The following CSMD1 variants were observed in gnomAD, a reference collection of about 807,000 sequenced individuals.
CSMD1 encodes CUB and sushi domain-containing protein 1.
Under a neutral mutation model 417.5 loss-of-function variants are expected in CSMD1, and 213 were observed. The ratio of observed to expected loss-of-function variants is 0.51; its 90% CI spans 0.46 to 0.57. The LOEUF is 0.57. Among genes scored for constraint, CSMD1 ranks in the 20% least tolerant of loss-of-function variants. The probability of loss-of-function intolerance (pLI) is 0.00; values close to 1 mark genes in which losing one functional copy is unlikely to be tolerated. For synonymous variants in CSMD1, 2,862 were observed against 1,736.8 expected (o/e 1.65, Z -16.11); for missense variants, 6,923 against 4,529.7 (o/e 1.53, Z -15.17).
intron 11 of CSMD1, among the ~76,000 whole-genome samples, chr8:3,475,079 T>C (rs1334326827): frequency 3.3e-5 from 5 of 152,178 alleles, no homozygotes; most frequent in African/African-American, 1.2e-4. Flanking sequence ...CCCAGGGCTT[T>C]GCAAACCCTG....
At chr8:3,408,579 A>G (rs1812489795) in intron 13 of CSMD1, among the ~76,000 whole-genome samples, 1 of 151,472 alleles carries the variant, frequency 6.6e-6, no homozygotes, top group African/African-American at 2.4e-5. Flanking sequence ...GTATATTCCT[A>G]TATCATAGGA....
At chr8:3,190,635 A>G (rs571479343) in intron 33 of CSMD1, among the ~76,000 whole-genome samples, 61 of 152,198 alleles carry the variant, frequency 4.0e-4, no homozygotes, top group Non-Finnish European at 5.6e-4. Context: ...CCACTCGTGT[A>G]TACTTATCTA....
At chr8:4,697,532 C>T (rs1002976206) in intron 1 of CSMD1, among the ~76,000 whole-genome samples, 12 of 152,186 alleles carry the variant, frequency 7.9e-5, no homozygotes, top group African/African-American at 2.6e-4. Flanking sequence ...GTATTGTTTA[C>T]TCAATTGGGG....
intron 3 of CSMD1, among the ~76,000 whole-genome samples, chr8:4,403,612 C>A (rs565591267): frequency 6.6e-6 from 1 of 152,158 alleles, no homozygotes; most frequent in Non-Finnish European, 1.5e-5. Context: ...AGAACTCCCC[C>A]TTTTCACCAT....
chr8:4,445,738 A>G (rs1446236414), intron 2 of CSMD1, among the ~76,000 whole-genome samples: 1 of 150,110 alleles, frequency 6.7e-6, no homozygotes, highest in Non-Finnish European at 1.5e-5. Flanking sequence ...TGCATTAAGT[A>G]TCCAATAATA....
At chr8:3,514,046 C>A (rs150419397) in intron 10 of CSMD1, among the ~76,000 whole-genome samples, 1 of 152,128 alleles carries the variant, frequency 6.6e-6, no homozygotes, top group Non-Finnish European at 1.5e-5. Context: ...GCACACAGTT[C>A]TCTTAGGAAC....
chr8:3,405,920 T>C (rs1812317255), intron 15 of CSMD1, 107 bp downstream of exon 15: 3 of 1,033,290 alleles, frequency 2.9e-6, no homozygotes, highest in African/African-American at 1.6e-5. Flanking sequence ...TGTGGTATTT[T>C]GTTAGGGCAG....
At chr8:4,504,698 G>A (rs1336855598) in intron 2 of CSMD1, among the ~76,000 whole-genome samples, 2 of 151,910 alleles carry the variant, frequency 1.3e-5, no homozygotes, top group African/African-American at 4.8e-5. Context: ...TGTTCTCATT[G>A]TTCAACTCCC....
At chr8:4,805,150 T>A (rs921467471) in intron 1 of CSMD1, among the ~76,000 whole-genome samples, 1 of 152,170 alleles carries the variant, frequency 6.6e-6, no homozygotes, top group Admixed American at 6.5e-5. Context: ...GGACGATGTT[T>A]TTTCCCCCTG....
chr8:4,070,549 G>A (rs897515248), intron 3 of CSMD1, among the ~76,000 whole-genome samples: 1 of 151,990 alleles, frequency 6.6e-6, no homozygotes, highest in Admixed American at 6.6e-5. Flanking sequence ...AGTAGAGACG[G>A]GGTTTCACCG....
intron 3 of CSMD1, among the ~76,000 whole-genome samples, chr8:4,377,280 G>A (rs893864189): frequency 6.6e-6 from 1 of 152,166 alleles, no homozygotes; most frequent in Non-Finnish European, 1.5e-5. Flanking sequence ...GGGACAGAGA[G>A]AGCAAAAGGG....
At chr8:3,741,982 T>TTG (rs1554528215) in intron 6 of CSMD1, among the ~76,000 whole-genome samples, 4 of 151,140 alleles carry the variant, frequency 2.6e-5, no homozygotes, top group Non-Finnish European at 5.9e-5. Flanking sequence ...AATCTTGGTT[T>TTG]TTTTTTTTTT....
chr8:3,614,970 A>C (rs1438476781), intron 8 of CSMD1, among the ~76,000 whole-genome samples: 5 of 152,212 alleles, frequency 3.3e-5, no homozygotes, highest in African/African-American at 4.8e-5. Flanking sequence ...ATGACTGTTG[A>C]CACAAGGAAG....
chr8:4,749,968 T>C (rs2117043452), intron 1 of CSMD1, among the ~76,000 whole-genome samples: 1 of 152,170 alleles, frequency 6.6e-6, no homozygotes, highest in East Asian at 1.9e-4. Flanking sequence ...CTCAAGTGCC[T>C]GTTTAATAAA....
In CSMD1 at chr8:3,795,901, A is replaced by C. The variant is rs867312683; in HGVS notation, c.819-41859T>G. ...ATATATCTATCATGTACAGATATATATATCATGTACAGATATAGATATCTA... is the reference window on the plus strand; with the variant it reads ...ATATATCTATCATGTACAGATATATCTATCATGTACAGATATAGATATCTA... On this transcript the variant is annotated intron_variant, in intron 5 of 69. Coordinates refer to ENST00000635120, the MANE Select transcript of CSMD1 (RefSeq NM_033225.6). Among the ~76,000 whole-genome samples the C allele has an allele frequency of 2.5e-3, 118 of 47,498 alleles. 16 individuals carry two copies. Among genetic ancestry groups the C allele is most frequent in the African/African-American group, 7.3e-3 (104 of 14,318 alleles). The allele number at this position is 47,498 out of a possible 152,430, so 31.2% of individuals were successfully genotyped here.
chr8:3,196,070 G>A (rs1077153), intron 33 of CSMD1, among the ~76,000 whole-genome samples: 7,259 of 152,194 alleles, frequency 0.048, 184 homozygotes, highest in South Asian at 0.089. Context: ...AAAAGACGCC[G>A]TAAAGAAGCC....
intron 3 of CSMD1, among the ~76,000 whole-genome samples, chr8:4,384,539 G>A (rs1368322843): frequency 6.6e-6 from 1 of 152,158 alleles, no homozygotes; most frequent in Non-Finnish European, 1.5e-5. Context: ...AATACTTTAT[G>A]AAGTCCTACC....
intron 2 of CSMD1, among the ~76,000 whole-genome samples, chr8:4,516,447 C>A (rs758471504): frequency 6.6e-6 from 1 of 152,180 alleles, no homozygotes; most frequent in African/African-American, 2.4e-5. Context: ...CCCAGAGACG[C>A]CTCACCCTCC....
intron 6 of CSMD1, among the ~76,000 whole-genome samples, chr8:3,740,976 A>G (rs988872178): frequency 1.3e-5 from 2 of 152,032 alleles, no homozygotes; most frequent in Admixed American, 6.6e-5. Flanking sequence ...AGCACTTTGG[A>G]GGCCAAGGTG....
Sources: allele counts gnomAD v4.1 joint callset (sites outside exome capture counted in the v4.1 genomes callset), GRCh38; gene constraint gnomAD v4.1.1; transcripts MANE v1.5; gene names NCBI Gene and HGNC (gene_info 2026-07-23, HGNC 2026-07-21).